Variants in TENM3 observed in about 807,000 individuals in gnomAD.
TENM3 encodes teneurin transmembrane protein 3, also known as teneurin-3.
A neutral mutation model predicts 255.1 loss-of-function variants in TENM3; 63 were observed. That is an observed-to-expected ratio of 0.25 (90% confidence interval 0.20 to 0.30). The LOEUF (loss-of-function observed/expected upper bound fraction) is 0.30, where lower values mean the gene tolerates loss of function less well. TENM3 is among the 10% of genes least tolerant of loss of function. The probability of loss-of-function intolerance (pLI) is 1.00; values close to 1 mark genes in which losing one functional copy is unlikely to be tolerated. For synonymous variants in TENM3, 1,306 were observed against 1,322.3 expected, an observed-to-expected ratio of 0.99 and a Z score of 0.27; for missense variants, 2,929 against 3,461.1, an observed-to-expected ratio of 0.85 and a Z score of 3.86.
intron 3 of TENM3, among the ~76,000 whole-genome samples, chr4:182,526,035 AG>A (rs1335479010): frequency 6.6e-6 from 1 of 152,000 alleles, no homozygotes; most frequent in Non-Finnish European, 1.5e-5. Flanking sequence ...GCTGGAGTGC[AG>A]TGGTGCGATC....
intron 22 of TENM3, 135 bp downstream of exon 22, chr4:182,755,394 C>G: frequency 1.2e-6 from 1 of 855,218 alleles, no homozygotes; most frequent in Non-Finnish European, 1.7e-6. Context: ...TTTTGGATCC[C>G]GGCTGGGCAC....
chr4:181,556,522 T>C, the TENM3 span, among the ~76,000 whole-genome samples: 1 of 152,216 alleles, frequency 6.6e-6, no homozygotes, highest in African/African-American at 2.4e-5. Flanking sequence ...TTTTATTCGT[T>C]AAAGACTTAC....
upstream of TENM3, chr4:182,142,945 C>A (rs1435909191): frequency 2.4e-5 from 4 of 167,168 alleles, no homozygotes; most frequent in East Asian, 1.9e-4. Flanking sequence ...AACTCTGGAA[C>A]CTCCAGCAGT....
rs116766005 is a variant in TENM3, at chr4:182,246,032, G to A, written c.-76+2556G>A. Among the ~76,000 whole-genome samples, 998 of 152,218 alleles carry A rather than the reference G, an allele frequency of 6.6e-3. 15 individuals carry two copies. Among genetic ancestry groups the A allele is most frequent in the African/African-American group, 0.023 (951 of 41,518 alleles). ...AGCACTCCCTGGCTCTGCAAGTCAC[G>A]GGAAATAGCGTAAGAGCTCACTTGT... is the stretch of plus-strand genomic sequence containing the variant. On this transcript the variant is annotated intron_variant, in intron 1 of 27. Transcript: ENST00000511685.
At chr4:182,471,864 C>T (rs1733155959) in intron 3 of TENM3, among the ~76,000 whole-genome samples, 1 of 152,060 alleles carries the variant, frequency 6.6e-6, no homozygotes, top group African/African-American at 2.4e-5. Flanking sequence ...TTTAAAACCT[C>T]ATTAAATCAT....
chr4:182,042,654 C>A, the TENM3 span, among the ~76,000 whole-genome samples: 4 of 152,000 alleles, frequency 2.6e-5, no homozygotes, highest in African/African-American at 7.2e-5. Context: ...GTAGGAATGT[C>A]GACATTTTTA....
the TENM3 span, among the ~76,000 whole-genome samples, chr4:181,862,775 T>C: frequency 6.6e-6 from 1 of 152,196 alleles, no homozygotes; most frequent in Non-Finnish European, 1.5e-5. Context: ...ATGACTAGAC[T>C]ATTATGTCCA....
At chr4:181,709,819 A>C in the TENM3 span, among the ~76,000 whole-genome samples, 2 of 152,204 alleles carry the variant, frequency 1.3e-5, no homozygotes, top group African/African-American at 4.8e-5. Context: ...TAGCGTTCAG[A>C]AGATTTTTTT....
At chr4:181,864,221 G>A in the TENM3 span, among the ~76,000 whole-genome samples, 2 of 152,158 alleles carry the variant, frequency 1.3e-5, no homozygotes, top group Admixed American at 6.6e-5. Flanking sequence ...TCAACTATAA[G>A]AGGCAAAGAA....
At chr4:182,155,036 T>A (rs1294700033) in intron 1 of TENM3, among the ~76,000 whole-genome samples, 2 of 152,188 alleles carry the variant, frequency 1.3e-5, no homozygotes, top group African/African-American at 2.4e-5. Flanking sequence ...GTGGTCAGAT[T>A]ACATAATTGT....
At chr4:182,138,371 A>G in the TENM3 span, among the ~76,000 whole-genome samples, 9,687 of 152,272 alleles carry the variant, frequency 0.064, 391 homozygotes, top group East Asian at 0.15. Context: ...TTATAGCTCA[A>G]TTTAACCCAG....
At chr4:182,458,670 A>C (rs1774062236) in intron 3 of TENM3, among the ~76,000 whole-genome samples, 1 of 152,254 alleles carries the variant, frequency 6.6e-6, no homozygotes. Context: ...CAAATAAAAT[A>C]GATACTAAAT....
intron 3 of TENM3, among the ~76,000 whole-genome samples, chr4:182,590,566 A>G (rs1025524862): frequency 6.6e-6 from 1 of 151,310 alleles, no homozygotes. Flanking sequence ...AAAAAAGAAA[A>G]AGAAAAAGGT....
the TENM3 span, among the ~76,000 whole-genome samples, chr4:181,523,499 C>T: frequency 4.0e-5 from 6 of 151,592 alleles, no homozygotes; most frequent in Non-Finnish European, 7.4e-5. Context: ...AGTGAAAGGA[C>T]TAGAAATAAA....
At chr4:182,329,709 A>G (rs1763632269) in intron 2 of TENM3, among the ~76,000 whole-genome samples, 1 of 152,182 alleles carries the variant, frequency 6.6e-6, no homozygotes, top group African/African-American at 2.4e-5. Flanking sequence ...CAACAACAAA[A>G]CAAACAATGG....
the TENM3 span, among the ~76,000 whole-genome samples, chr4:181,711,693 C>T: frequency 1.3e-5 from 2 of 152,170 alleles, no homozygotes; most frequent in Non-Finnish European, 2.9e-5. Flanking sequence ...TTAAGCTCAG[C>T]GTTTCCTTAG....
At chr4:181,506,186 A>G in the TENM3 span, among the ~76,000 whole-genome samples, 17 of 152,190 alleles carry the variant, frequency 1.1e-4, no homozygotes, top group Admixed American at 7.9e-4. Context: ...TGTATCAATA[A>G]TAAAGAACAA....
chr4:182,299,955 G>A (rs922622760), intron 1 of TENM3, among the ~76,000 whole-genome samples: 14 of 149,250 alleles, frequency 9.4e-5, no homozygotes, highest in East Asian at 7.9e-4. Context: ...CCACTCTGTC[G>A]CCCAGGCTGG....
chr4:181,605,609 GAAAGAAAA>G, the TENM3 span, among the ~76,000 whole-genome samples: 2,269 of 117,218 alleles, frequency 0.019, 225 homozygotes, highest in East Asian at 0.041. Context: ...AAGAAAGAAA[GAAAGAAAA>G]GAAAGAACAA....
Sources: gnomAD v4.1 joint callset for allele counts (sites outside exome capture counted in the v4.1 genomes callset) on GRCh38, gnomAD v4.1.1 for gene constraint, MANE v1.5 for transcripts, NCBI Gene and HGNC (gene_info 2026-07-23, HGNC 2026-07-21) for gene names.